Variants in TTYH3 observed in about 807,000 individuals in gnomAD.
TTYH3 encodes the protein protein tweety homolog 3.
TTYH3 carries 23 observed loss-of-function variants against 68.2 expected under a neutral mutation model. That is an observed-to-expected ratio of 0.34 (90% CI 0.24 to 0.48). The LOEUF (loss-of-function observed/expected upper bound fraction) is 0.48. TTYH3 is among the 20% of genes least tolerant of loss of function. The pLI is 0.99. For synonymous variants in TTYH3, 360 were observed against 332.8 expected (o/e 1.08, Z -0.89); for missense variants, 768 against 727.7 (o/e 1.06, Z -0.64).
chr7:2,639,663 G>A (rs997714085), intron 1 of TTYH3, among the ~76,000 whole-genome samples: 2 of 152,338 alleles, frequency 1.3e-5, no homozygotes, highest in South Asian at 4.1e-4. Flanking sequence ...CCAGGAAGCC[G>A]GGGGTGACTC....
intron 1 of TTYH3, among the ~76,000 whole-genome samples, chr7:2,644,852 C>A (rs1785938731): frequency 6.6e-6 from 1 of 152,206 alleles, no homozygotes; most frequent in Admixed American, 6.5e-5. Flanking sequence ...GAGGGCAGGA[C>A]ACGGCATCCT....
At position 2,662,081 on chromosome 7, in the gene TTYH3, TC is replaced by T. The variant is rs1786513913; in HGVS notation, c.*345del. ...ACCTGTGTTGTTGCCGCCCGGCCCT[TC>T]CCTCCACAGCTCTCCTTCCTCCCGC... On this transcript the variant is annotated 3_prime_UTR_variant, in exon 14 of 14. Coordinates refer to ENST00000258796, the MANE Select transcript of TTYH3 (RefSeq NM_025250.3). 7 of 495,670 alleles carry T rather than the reference TC, an allele frequency of 1.4e-5. No homozygotes were observed. Among genetic ancestry groups the T allele is most frequent in the African/African-American group, 1.2e-4 (6 of 50,328 alleles). 30.7% of individuals were successfully genotyped at this position (495,670 alleles called of 1,614,324 possible). A position where few individuals can be genotyped will look rare whatever the true frequency, so the allele number is the denominator to read the frequency against.
chr7:2,663,536 G>T lies in TTYH3; in HGVS notation c.*1797G>T, dbSNP rs866130964. ...TGGAGGGGCCTCTGCTTCAGGCCCCGCCTGGCTGACATTCTGAGCCCCCCT... is the reference window on the plus strand; with the variant it reads ...TGGAGGGGCCTCTGCTTCAGGCCCCTCCTGGCTGACATTCTGAGCCCCCCT... On this transcript the variant is annotated 3_prime_UTR_variant, in exon 14 of 14. Transcript: ENST00000258796. 1 of 152,496 alleles carries T rather than the reference G, an allele frequency of 6.6e-6. No individual in the cohort carries two copies. The highest frequency in any genetic ancestry group is 1.9e-4 in the East Asian group (1 of 5,234). The allele number at this position is 152,496 out of a possible 1,614,324, so 9.4% of individuals were successfully genotyped here.
rs143131373 is a variant in TTYH3, at chr7:2,649,762, A to AC, written c.795+126dup. 1,061 of 1,437,138 alleles carry AC rather than the reference A, an allele frequency of 7.4e-4. 7 individuals are homozygous for AC. In the African/African-American group the frequency reaches 0.014, roughly 19 times the overall value. 89.0% of individuals were successfully genotyped at this position (1,437,138 alleles called of 1,614,324 possible). Reference sequence around the variant, plus strand: ...GCACTGGGTCCCGAGAGCGGTGGGGACCCACCATGGGCACAGTCCACCTGT... The same window carrying AC: ...GCACTGGGTCCCGAGAGCGGTGGGGACCCCACCATGGGCACAGTCCACCTGT... On this transcript the variant is annotated intron_variant, in intron 6 of 13. Coordinates refer to ENST00000258796, the MANE Select transcript of TTYH3 (RefSeq NM_025250.3).
chr7:2,659,851 C>T, intron 13 of TTYH3: 1 of 1,249,044 alleles, frequency 8.0e-7, no homozygotes, highest in Non-Finnish European at 1.0e-6. Context: ...ACACGGCCCA[C>T]AGCCCACTCC....
At chr7:2,653,589 G>C (rs1457024561) in intron 9 of TTYH3, among the ~76,000 whole-genome samples, 1 of 152,170 alleles carries the variant, frequency 6.6e-6, no homozygotes, top group Admixed American at 6.6e-5. Flanking sequence ...AAGGCCTGGC[G>C]CGGTGGCTCA....
intron 1 of TTYH3, chr7:2,646,019 CT>C (rs35440595): frequency 0.3 from 85,416 of 287,604 alleles, 5,712 homozygotes; most frequent in African/African-American, 0.38. Context: ...AGCAGCAGCA[CT>C]TTTTTTTTTT....
At chr7:2,658,248 C>T (rs747118733) in intron 11 of TTYH3, 38 bp from the exon 12 acceptor site, 3 of 1,489,718 alleles carry the variant, frequency 2.0e-6, no homozygotes, top group Non-Finnish European at 2.7e-6. Flanking sequence ...CTCCTTCCTG[C>T]TGGGGCCTGA....
intron 1 of TTYH3, among the ~76,000 whole-genome samples, chr7:2,644,478 G>T (rs1235055541): frequency 2.0e-5 from 3 of 152,230 alleles, no homozygotes; most frequent in Non-Finnish European, 4.4e-5. Flanking sequence ...GCCCTACTGG[G>T]CCCTGAGGAC....
At position 2,662,008 on chromosome 7, in the gene TTYH3, G is replaced by A. The variant is rs1036794673; in HGVS notation, c.*269G>A. ...TGCACGCCACCCACTATCCCGGCACGCTCCCTCTGCAGATGGTCGCCGCAC... is the reference window on the plus strand; with the variant it reads ...TGCACGCCACCCACTATCCCGGCACACTCCCTCTGCAGATGGTCGCCGCAC... On this transcript the variant is annotated 3_prime_UTR_variant, in exon 14 of 14. Transcript: ENST00000258796. The A allele has an allele frequency of 4.4e-5, 26 of 584,982 alleles. No homozygotes were observed. The highest frequency in any genetic ancestry group is 7.0e-5 in the Non-Finnish European group (23 of 327,188). 36.2% of individuals were successfully genotyped at this position (584,982 alleles called of 1,614,324 possible).
At chr7:2,644,072 A>C (rs940449363) in intron 1 of TTYH3, among the ~76,000 whole-genome samples, 3 of 152,164 alleles carry the variant, frequency 2.0e-5, no homozygotes, top group Non-Finnish European at 4.4e-5. Context: ...CCCGGGGCCA[A>C]GATGCGGCTG....
intron 9 of TTYH3, among the ~76,000 whole-genome samples, chr7:2,653,897 G>T (rs1420600603): frequency 6.6e-6 from 1 of 152,006 alleles, no homozygotes; most frequent in Non-Finnish European, 1.5e-5. Context: ...TAAATACGTT[G>T]CTATACTCTT....
rs1000275926 is a variant in TTYH3 at position 2,632,377 on chromosome 7, C to G, written c.123+99C>G. On this transcript the variant is annotated intron_variant, in intron 1 of 13. Coordinates refer to ENST00000258796, the MANE Select transcript of TTYH3 (RefSeq NM_025250.3). ...CCCCATCCCCGAGGGCCTAAAGACC[C>G]CTCATCCCCCCCTCCAGGGTCACGG... 9 of 1,245,494 alleles carry G rather than the reference C, an allele frequency of 7.2e-6. 1 individual carries two copies. The highest frequency in any genetic ancestry group is 4.9e-4 in the Middle Eastern group (2 of 4,068). The allele number at this position is 1,245,494 out of a possible 1,614,324, so 77.2% of individuals were successfully genotyped here.
Position 2,662,056 on chromosome 7 carries a change from A to C in TTYH3, c.*317A>C. 1.5e-5 allele frequency: 8 copies of C among 517,478 alleles called. No homozygotes were observed. The highest frequency in any genetic ancestry group is 1.4e-4 in the East Asian group (4 of 29,066). The allele number at this position is 517,478 out of a possible 1,614,324, so 32.1% of individuals were successfully genotyped here. The stretch of plus-strand genomic sequence containing the variant: ...CACCTACAAGCCCTGGCCGCACCCA[A>C]CCTGTGTTGTTGCCGCCCGGCCCTT... On this transcript the variant is annotated 3_prime_UTR_variant, in exon 14 of 14. Coordinates refer to ENST00000258796, the MANE Select transcript of TTYH3 (RefSeq NM_025250.3).
chr7:2,652,723 C>T (rs1786219974), intron 8 of TTYH3, 195 bp from the exon 9 acceptor site: 3 of 593,342 alleles, frequency 5.1e-6, no homozygotes, highest in African/African-American at 3.7e-5. Context: ...GCTGTTACCA[C>T]CTCAGGGCTC....
chr7:2,633,032 G>A (rs1445288013), intron 1 of TTYH3, among the ~76,000 whole-genome samples: 1 of 152,128 alleles, frequency 6.6e-6, no homozygotes, highest in Non-Finnish European at 1.5e-5. Context: ...GGGCGGCTGG[G>A]GGCCCTTTGC....
In TTYH3 at chr7:2,658,304, G is replaced by A. The variant is rs1786392726; in HGVS notation, c.1269G>A (p.Gly423=). Residue 423 remains glycine, a synonymous_variant, in exon 12 of 14, where the codon GGG becomes GGA. Coordinates refer to ENST00000258796, the MANE Select transcript of TTYH3 (RefSeq NM_025250.3). The part of the protein sequence containing the change: ...WQQKRGPDED[G]EEEAAPGPRQ... Reference sequence around the variant, plus strand: ...CTCACAGAGGCCCTGATGAGGACGGGGAGGAGGAGGCCGCTCCAGGGCCGC... The same window carrying A: ...CTCACAGAGGCCCTGATGAGGACGGAGAGGAGGAGGCCGCTCCAGGGCCGC... 2.5e-6 allele frequency: 4 copies of A among 1,593,230 alleles called. No homozygotes were observed. Among genetic ancestry groups the A allele is most frequent in the Non-Finnish European group, 3.4e-6 (4 of 1,169,578 alleles).
In TTYH3 at chr7:2,645,603, C is replaced by T; in HGVS notation, c.124-1250C>T. On this transcript the variant is annotated intron_variant, in intron 1 of 13. Coordinates refer to ENST00000258796, the MANE Select transcript of TTYH3 (RefSeq NM_025250.3). The surrounding 1 kb of genome is among the most constrained non-coding windows in gnomAD (Gnocchi z 4.8). ...TTGGAGCCAGACAGGGCTGTGTGTCCGATGGGGCGCCTGTATGCAGCCTGT... is the reference window on the plus strand; with the variant it reads ...TTGGAGCCAGACAGGGCTGTGTGTCTGATGGGGCGCCTGTATGCAGCCTGT... 1 of 357,248 alleles carries T rather than the reference C, an allele frequency of 2.8e-6. No individual in the cohort carries two copies. Among genetic ancestry groups the T allele is most frequent in the Non-Finnish European group, 5.7e-6 (1 of 175,974 alleles). The allele number at this position is 357,248 out of a possible 1,614,324, so 22.1% of individuals were successfully genotyped here. A position where few individuals can be genotyped will look rare whatever the true frequency, so the allele number is the denominator to read the frequency against.
chr7:2,636,922 CTG>C (rs1286080259), intron 1 of TTYH3, among the ~76,000 whole-genome samples: 2 of 152,144 alleles, frequency 1.3e-5, no homozygotes, highest in Admixed American at 1.3e-4. Context: ...CCAGGAGACT[CTG>C]GGGTTCTCAA....
Sources: gnomAD v4.1 joint callset for allele counts (sites outside exome capture counted in the v4.1 genomes callset) on GRCh38, gnomAD v4.1.1 for gene constraint, Gnocchi (gnomAD v3.1) non-coding constraint, MANE v1.5 for transcripts, NCBI Gene and HGNC (gene_info 2026-07-23, HGNC 2026-07-21) for gene names.